Variants in LTBP1 observed in about 807,000 individuals in gnomAD.
LTBP1 encodes the protein latent-transforming growth factor beta-binding protein 1.
Under a neutral mutation model 207.6 loss-of-function variants are expected in LTBP1, and 129 were observed. The observed-to-expected ratio is 0.62, with a 90% CI of 0.54 to 0.72. The LOEUF (loss-of-function observed/expected upper bound fraction) is 0.72. Among genes scored for constraint, LTBP1 ranks in the 30% least tolerant of loss-of-function variants. The probability of loss-of-function intolerance (pLI) is 0.00; values close to 1 mark genes in which losing one functional copy is unlikely to be tolerated. For missense variants in LTBP1, 2,281 were observed against 2,217.2 expected (o/e 1.03, Z -0.58); for synonymous variants, 963 against 833.7 (o/e 1.16, Z -2.67).
chr2:33,177,724 A>G (rs1019757330), intron 5 of LTBP1, among the ~76,000 whole-genome samples: 10 of 152,200 alleles, frequency 6.6e-5, no homozygotes, highest in Admixed American at 4.6e-4. Flanking sequence ...AGGAATGGCT[A>G]TATAATTTAC....
chr2:32,957,121 T>G (rs777074855), intron 2 of LTBP1, among the ~76,000 whole-genome samples: 2 of 152,188 alleles, frequency 1.3e-5, no homozygotes, highest in African/African-American at 4.8e-5. Context: ...GATTTTTAGA[T>G]TGGTAAATTA....
chr2:32,952,067 C>T (rs912323508), intron 2 of LTBP1, among the ~76,000 whole-genome samples: 4 of 151,986 alleles, frequency 2.6e-5, no homozygotes, highest in Admixed American at 6.6e-5. Flanking sequence ...GCAATTGATG[C>T]GAAAAAAATT....
chr2:33,188,593 C>T lies in LTBP1; in HGVS notation c.1443C>T (p.Asn481=). The T allele has an allele frequency of 6.2e-7, 1 of 1,612,622 alleles. No individual in the cohort carries two copies. Among genetic ancestry groups the T allele is most frequent in the Non-Finnish European group, 8.5e-7 (1 of 1,179,546 alleles). ...CTGTTGTAGTGAAATTTCCTCCTAACATAGTCAATATCCATGTGAAACATC... is the reference window on the plus strand; with the variant it reads ...CTGTTGTAGTGAAATTTCCTCCTAATATAGTCAATATCCATGTGAAACATC... The part of the protein sequence containing the change: ...QQGVKVKFPP[N]IVNIHVKHPP... Residue 481 remains asparagine (N), a synonymous_variant, in exon 7 of 34, where the codon AAC becomes AAT. Transcript: ENST00000404816.
intron 31 of LTBP1, among the ~76,000 whole-genome samples, chr2:33,366,886 A>T (rs2150128111): frequency 6.6e-6 from 1 of 152,316 alleles, no homozygotes; most frequent in South Asian, 2.1e-4. Context: ...ATACTACCTC[A>T]AATCTTTTTT....
chr2:33,004,247 T>C lies in LTBP1; in HGVS notation c.566-16662T>C, dbSNP rs1249010767. 3.3e-5 allele frequency among the ~76,000 whole-genome samples: 5 copies of C among 152,040 alleles called. No homozygotes were observed. The South Asian group carries it at 1.0e-3, about 32-fold the overall frequency. The stretch of plus-strand genomic sequence containing the variant: ...GAGCTACTTAACTTGTGCAGAGAGA[T>C]TGTAGATGAGTTTTAATCCTAGGGT... On this transcript the variant is annotated intron_variant, in intron 2 of 33. Coordinates refer to ENST00000404816, the MANE Select transcript of LTBP1 (RefSeq NM_206943.4).
chr2:33,050,670 C>A (rs1331989537), intron 3 of LTBP1, among the ~76,000 whole-genome samples: 1 of 151,982 alleles, frequency 6.6e-6, no homozygotes, highest in Admixed American at 6.5e-5. Context: ...GGAAACAGAA[C>A]ATTTGGGTTC....
At position 33,176,212 on chromosome 2, in the gene LTBP1, A is replaced by G. The variant is rs1305090004; in HGVS notation, c.1202-10644A>G. On this transcript the variant is annotated intron_variant, in intron 5 of 33. Coordinates refer to ENST00000404816, the MANE Select transcript of LTBP1 (RefSeq NM_206943.4). ...AAAAGAAATAAAATCCAATTTTGAC[A>G]TGTTAATTAATTAATCTATTTATTT... 3.2e-5 allele frequency among the ~76,000 whole-genome samples: 4 copies of G among 125,856 alleles called. No homozygotes were observed. In the South Asian group the frequency reaches 7.0e-4, roughly 22 times the overall value. The allele number at this position is 125,856 out of a possible 152,430, so 82.6% of individuals were successfully genotyped here. A position where few individuals can be genotyped will look rare whatever the true frequency, so the allele number is the denominator to read the frequency against.
chr2:32,967,889 G>T (rs957821225), intron 2 of LTBP1, among the ~76,000 whole-genome samples: 1 of 152,138 alleles, frequency 6.6e-6, no homozygotes, highest in Non-Finnish European at 1.5e-5. Context: ...CTGCATGCTG[G>T]ATCTGTTCAT....
chr2:33,256,724 C>CTATATATA (rs10529995), intron 11 of LTBP1, among the ~76,000 whole-genome samples: 11 of 68,824 alleles, frequency 1.6e-4, no homozygotes, highest in Non-Finnish European at 2.3e-4. Flanking sequence ...GGAGGGCTAA[C>CTATATATA]TATATATATA....
chr2:33,285,490 C>G, intron 19 of LTBP1, among the ~76,000 whole-genome samples: 1 of 145,216 alleles, frequency 6.9e-6, no homozygotes, highest in East Asian at 2.0e-4. Context: ...CCTCTGTTGC[C>G]CAGGCTGGAG....
chr2:33,026,377 A>T (rs2075414914), intron 3 of LTBP1, among the ~76,000 whole-genome samples: 2 of 152,220 alleles, frequency 1.3e-5, no homozygotes, highest in South Asian at 4.1e-4. Context: ...GAAAGGCTCC[A>T]ATCAATGTTT....
intron 3 of LTBP1, among the ~76,000 whole-genome samples, chr2:33,044,870 T>C (rs28842876): frequency 0.14 from 21,544 of 152,214 alleles, 1,654 homozygotes; most frequent in South Asian, 0.21. Flanking sequence ...CCAGTGACGA[T>C]GAGCTTTTTT....
chr2:33,229,068 A>AAAAT (rs2091636639), intron 9 of LTBP1, among the ~76,000 whole-genome samples: 1 of 152,162 alleles, frequency 6.6e-6, no homozygotes, highest in Non-Finnish European at 1.5e-5. Context: ...TATATTTTGT[A>AAAAT]AAATATCACT....
At chr2:33,184,383 C>A (rs1187292465) in intron 5 of LTBP1, among the ~76,000 whole-genome samples, 2 of 152,154 alleles carry the variant, frequency 1.3e-5, no homozygotes, top group East Asian at 3.9e-4. Flanking sequence ...CTTCCCTTCC[C>A]TCTAGAACCT....
At chr2:32,954,218 T>C (rs934402510) in intron 2 of LTBP1, among the ~76,000 whole-genome samples, 1 of 152,208 alleles carries the variant, frequency 6.6e-6, no homozygotes, top group Non-Finnish European at 1.5e-5. Flanking sequence ...TCCTCAGTTA[T>C]CTGGATTGGC....
At chr2:33,239,891 A>G (rs1204187611) in intron 9 of LTBP1, among the ~76,000 whole-genome samples, 1 of 148,044 alleles carries the variant, frequency 6.8e-6, no homozygotes, top group East Asian at 2.0e-4. Context: ...GTGACAGAGT[A>G]AGACTCCATC....
chr2:33,163,718 C>G (rs1000382783), intron 5 of LTBP1, among the ~76,000 whole-genome samples: 2 of 152,012 alleles, frequency 1.3e-5, no homozygotes, highest in Non-Finnish European at 1.5e-5. Context: ...AGAAGCAGCA[C>G]CTGGATTTTA....
chr2:33,288,180 A>G (rs1475247426), intron 19 of LTBP1, among the ~76,000 whole-genome samples: 1 of 152,196 alleles, frequency 6.6e-6, no homozygotes, highest in Non-Finnish European at 1.5e-5. Flanking sequence ...ATCTCATTGA[A>G]AGTACAGGAA....
chr2:33,145,092 G>A (rs1321886049), intron 5 of LTBP1, among the ~76,000 whole-genome samples: 1 of 152,130 alleles, frequency 6.6e-6, no homozygotes, highest in Non-Finnish European at 1.5e-5. Flanking sequence ...CCAATTTAAT[G>A]TGATACTGTC....
Sources: allele counts gnomAD v4.1 joint callset (sites outside exome capture counted in the v4.1 genomes callset), GRCh38; gene constraint gnomAD v4.1.1; transcripts MANE v1.5; gene names NCBI Gene and HGNC (gene_info 2026-07-23, HGNC 2026-07-21).